SLC16A9: variants seen among roughly 807,000 people sequenced by gnomAD.
SLC16A9 encodes the protein solute carrier family 16 member 9, also known as monocarboxylate transporter 9.
Under a neutral mutation model 44.3 loss-of-function variants are expected in SLC16A9, and 26 were observed. That is an observed-to-expected ratio of 0.59 (90% CI 0.43 to 0.81). The LOEUF is 0.81. Ranked by LOEUF, SLC16A9 falls within the 40% of genes least tolerant of loss-of-function variation. The probability of loss-of-function intolerance (pLI) is 0.00; values close to 1 mark genes in which losing one functional copy is unlikely to be tolerated. For missense variants in SLC16A9, 559 were observed against 595.8 expected (o/e 0.94, Z 0.64); for synonymous variants, 230 against 225.1 (o/e 1.02, Z -0.19).
chr10:59,684,381 G>A, intron 1 of SLC16A9, 54 bp from the exon 2 acceptor site: 1 of 982,792 alleles, frequency 1.0e-6, no homozygotes, highest in South Asian at 2.7e-5. Context: ...GTAGGGCACA[G>A]CGCTTGGGGT....
rs749481589 is a variant in SLC16A9 at position 59,708,017 on chromosome 10, C to CA, written c.-37+1461dup. Among the ~76,000 whole-genome samples the CA allele has an allele frequency of 5.9e-5, 9 of 152,230 alleles. No individual in the cohort carries two copies. In the South Asian group the frequency reaches 1.2e-3, roughly 21 times the overall value. ...ATACCTGTTATTCCACTTGCCTACA[C>CA]AAAAAATGGAAGAAACCAGTAGGGA... On this transcript the variant is annotated intron_variant, in intron 1 of 5. Coordinates refer to ENST00000395348, the MANE Select transcript of SLC16A9 (RefSeq NM_194298.3).
chr10:59,662,511 T>C (rs1839500451), intron 4 of SLC16A9, among the ~76,000 whole-genome samples: 1 of 150,938 alleles, frequency 6.6e-6, no homozygotes, highest in South Asian at 2.1e-4. Context: ...GGCAGGCACC[T>C]GTAATCCCAG....
intron 4 of SLC16A9, among the ~76,000 whole-genome samples, chr10:59,663,703 C>A (rs1037891273): frequency 6.6e-6 from 1 of 151,954 alleles, no homozygotes; most frequent in Non-Finnish European, 1.5e-5. Context: ...CACATGTATA[C>A]CTATGTAACA....
At chr10:59,678,554 T>TTTTTTTTTTTTTTTTTTTA (rs71006281) in intron 2 of SLC16A9, among the ~76,000 whole-genome samples, 3 of 68,860 alleles carry the variant, frequency 4.4e-5, no homozygotes, top group Admixed American at 1.7e-4. Flanking sequence ...TTCTTTTTTT[T>TTTTTTTTTTTTTTTTTTTA]GAGACGGAGT....
intron 4 of SLC16A9, among the ~76,000 whole-genome samples, chr10:59,658,405 T>C (rs977736246): frequency 2.6e-5 from 4 of 152,162 alleles, no homozygotes; most frequent in African/African-American, 9.7e-5. Flanking sequence ...AATTTGACTC[T>C]TTTCATCAAC....
intron 1 of SLC16A9, among the ~76,000 whole-genome samples, chr10:59,701,637 A>AT (rs1166895256): frequency 2.0e-5 from 3 of 152,238 alleles, no homozygotes; most frequent in Non-Finnish European, 2.9e-5. Context: ...ATGACATCAG[A>AT]TATCCAGATC....
At chr10:59,700,793 T>C (rs943521313) in intron 1 of SLC16A9, among the ~76,000 whole-genome samples, 1 of 152,204 alleles carries the variant, frequency 6.6e-6, no homozygotes, top group Non-Finnish European at 1.5e-5. Context: ...TGTTTCACTA[T>C]GGCATTCCCT....
At chr10:59,683,472 T>C (rs1246314586) in intron 2 of SLC16A9, among the ~76,000 whole-genome samples, 3 of 152,252 alleles carry the variant, frequency 2.0e-5, no homozygotes, top group African/African-American at 7.2e-5. Flanking sequence ...ATATGTCTTA[T>C]ACATAACACT....
At chr10:59,700,975 AT>A (rs1157808181) in intron 1 of SLC16A9, among the ~76,000 whole-genome samples, 1 of 152,186 alleles carries the variant, frequency 6.6e-6, no homozygotes, top group East Asian at 1.9e-4. Context: ...TGAAGTCTCC[AT>A]CCCCAGCTCT....
rs1481166030 is a variant in SLC16A9 at position 59,684,299 on chromosome 10, C to A, written c.-8G>T. 1.9e-6 allele frequency: 3 copies of A among 1,608,568 alleles called. No individual in the cohort carries two copies. The highest frequency in any genetic ancestry group is 2.5e-6 in the Non-Finnish European group (3 of 1,177,556). On this transcript the variant is annotated 5_prime_UTR_variant, in exon 2 of 6. Coordinates refer to ENST00000395348, the MANE Select transcript of SLC16A9 (RefSeq NM_194298.3). ...CGACTTTTTAAGTTCCATTGTAAGA[C>A]AAAATCAGGAGGCGTTTCTCTGCAG...
rs1039392647 is a variant in SLC16A9 at position 59,684,323 on chromosome 10, A to T, written c.-32T>A. ...ACAAAATCAGGAGGCGTTTCTCTGC[A>T]GGTCCTAAACAAAAACAAACAGAAA... On this transcript the variant is annotated 5_prime_UTR_variant, in exon 2 of 6. Transcript: ENST00000395348. 2 of 1,589,386 alleles carry T rather than the reference A, an allele frequency of 1.3e-6. No homozygotes were observed. Among genetic ancestry groups the T allele is most frequent in the African/African-American group, 1.3e-5 (1 of 74,198 alleles).
intron 1 of SLC16A9, among the ~76,000 whole-genome samples, chr10:59,707,031 GCA>G (rs1260797158): frequency 3.3e-5 from 5 of 150,322 alleles, no homozygotes; most frequent in South Asian, 2.1e-4. Context: ...AGTCAGCTGG[GCA>G]CAGTGGCTCA....
At chr10:59,686,977 G>A (rs139318513) in intron 1 of SLC16A9, among the ~76,000 whole-genome samples, 35 of 152,256 alleles carry the variant, frequency 2.3e-4, no homozygotes, top group Admixed American at 9.2e-4. Flanking sequence ...GCACAATCTC[G>A]GCCCACAGCA....
chr10:59,666,691 T>C (rs2132434901), intron 3 of SLC16A9, among the ~76,000 whole-genome samples: 1 of 152,330 alleles, frequency 6.6e-6, no homozygotes, highest in East Asian at 1.9e-4. Context: ...AGTGATTGTT[T>C]TATAGCTAGC....
chr10:59,680,579 A>T (rs988969201), intron 2 of SLC16A9, among the ~76,000 whole-genome samples: 4 of 152,248 alleles, frequency 2.6e-5, no homozygotes, highest in Admixed American at 1.3e-4. Flanking sequence ...AAAAATGTCA[A>T]AGCAAATCAT....
At position 59,652,671 on chromosome 10, in the gene SLC16A9, T is replaced by G. The variant is rs1432971515; in HGVS notation, c.*101A>C. 9.5e-5 allele frequency: 106 copies of G among 1,109,970 alleles called. No homozygotes were observed. The highest frequency in any genetic ancestry group is 1.2e-4 in the Non-Finnish European group (96 of 793,996). The allele number at this position is 1,109,970 out of a possible 1,614,324, so 68.8% of individuals were successfully genotyped here. ...AGTCAGTCATTGTGAAATTTTGCTA[T>G]GAGAAAATAGTCTTGACTCTAGAAA... On this transcript the variant is annotated 3_prime_UTR_variant, in exon 6 of 6. Coordinates refer to ENST00000395348, the MANE Select transcript of SLC16A9 (RefSeq NM_194298.3).
intron 3 of SLC16A9, among the ~76,000 whole-genome samples, chr10:59,671,928 T>G (rs1036350424): frequency 7.9e-5 from 12 of 152,346 alleles, no homozygotes; most frequent in African/African-American, 2.9e-4. Context: ...TAGCATATGA[T>G]AAGTACACAG....
intron 4 of SLC16A9, among the ~76,000 whole-genome samples, chr10:59,656,055 ATAT>A (rs1478257328): frequency 6.6e-5 from 10 of 152,236 alleles, no homozygotes; most frequent in Non-Finnish European, 1.2e-4. Context: ...TTGCATGCAA[ATAT>A]TAATGTTTCA....
chr10:59,653,391 A>G (rs1434517107), intron 5 of SLC16A9, among the ~76,000 whole-genome samples: 1 of 122,020 alleles, frequency 8.2e-6, no homozygotes. Flanking sequence ...ACGCAATTGC[A>G]CTCCAGCCTG....
Sources: gnomAD v4.1 joint callset for allele counts (sites outside exome capture counted in the v4.1 genomes callset) on GRCh38, gnomAD v4.1.1 for gene constraint, MANE v1.5 for transcripts, NCBI Gene and HGNC (gene_info 2026-07-23, HGNC 2026-07-21) for gene names.